Variants in DPPA5 observed in about 807,000 individuals in gnomAD.
The protein encoded by DPPA5 is developmental pluripotency-associated 5 protein.
In DPPA5, 11 loss-of-function variants were observed where a neutral mutation model predicts 11.3. The observed-to-expected ratio is 0.97, with a 90% confidence interval of 0.61 to 1.61. DPPA5 has a LOEUF of 1.61. Among genes scored for constraint, DPPA5 ranks in the 40% most tolerant of loss-of-function variants. The probability of loss-of-function intolerance (pLI) is 0.00; values close to 1 mark genes in which losing one functional copy is unlikely to be tolerated. For synonymous variants in DPPA5, 53 were observed against 59.2 expected, an observed-to-expected ratio of 0.90 and a Z score of 0.48; for missense variants, 132 against 151.8, an observed-to-expected ratio of 0.87 and a Z score of 0.68.
Position 73,353,996 on chromosome 6 carries a change from A to T in DPPA5, c.149T>A (p.Val50Glu), listed in dbSNP as rs1768732698. 5 of 1,614,128 alleles carry T rather than the reference A, an allele frequency of 3.1e-6. No homozygotes were observed. The highest frequency in any genetic ancestry group is 8.5e-7 in the Non-Finnish European group (1 of 1,180,008). Residue 50 changes from valine (V) to glutamate (E), a missense_variant, in exon 2 of 3, where the codon GTG (valine) becomes GAG (glutamate). Coordinates refer to ENST00000370370, the MANE Select transcript of DPPA5 (RefSeq NM_001025290.3). ...CTTCAGCTCGAGCATGGCCTTGCTC[A>T]CCTGCTCGATGTAAGGGATTCGAGA... Reference protein sequence around the residue: ...DGSRIPYIEQVSKAMLELKAL... With the variant: ...DGSRIPYIEQESKAMLELKAL...
At position 73,354,176 on chromosome 6, in the gene DPPA5, G is replaced by A. The variant is rs1768736959; in HGVS notation, c.50C>T (p.Pro17Leu). Residue 17 changes from proline to leucine, a missense_variant, in exon 1 of 3, where the codon CCC (proline) becomes CTC (leucine). By Grantham distance (98) the Pro-to-Leu change is moderately conservative. Coordinates refer to ENST00000370370, the MANE Select transcript of DPPA5 (RefSeq NM_001025290.3). Reference protein sequence around the residue: ...RRHIPPWVKVPEDLKDPEVFQ... With the variant: ...RRHIPPWVKVLEDLKDPEVFQ... The stretch of plus-strand genomic sequence containing the variant: ...CACCTCTGGATCTTTCAGGTCTTCG[G>A]GAACTTTCACCCACGGCGGGATATG... 1.2e-6 allele frequency: 2 copies of A among 1,614,096 alleles called. No homozygotes were observed. The highest frequency in any genetic ancestry group is 2.7e-5 in the African/African-American group (2 of 74,934).
rs1768731126 is a variant in DPPA5 at position 73,353,945 on chromosome 6, T to G, written c.200A>C (p.Glu67Ala). Residue 67 changes from glutamate to alanine, a missense_variant, in exon 2 of 3, where the codon GAG (glutamate) becomes GCG (alanine). Coordinates refer to ENST00000370370, the MANE Select transcript of DPPA5 (RefSeq NM_001025290.3). ...LKALESSDLTEVVVYGSYLYK... is the reference protein window; with the variant it reads ...LKALESSDLTAVVVYGSYLYK... ...CAAATAGGAGCCGTAAACCACGACC[T>G]CGGTGAGGTCTGAAGACTCCAGAGC... is the stretch of plus-strand genomic sequence containing the variant. 6.2e-7 allele frequency: 1 copy of G among 1,613,946 alleles called. No individual in the cohort carries two copies. Among genetic ancestry groups the G allele is most frequent in the Admixed American group, 1.7e-5 (1 of 60,004 alleles).
In DPPA5 at chr6:73,354,210, C is replaced by G. The variant is rs552630054; in HGVS notation, c.16G>C (p.Ala6Pro). MGTLPARRHIPPWVKV... is the reference protein window; with the variant it reads MGTLPPRRHIPPWVKV... ...ACCCACGGCGGGATATGTCTACGTG[C>G]CGGGAGAGTTCCCATCTTATGACCC... The change falls in exon 1 of 3, where the codon GCA becomes CCA. Residue 6 changes from alanine (A) to proline (P), a missense_variant. Physicochemically the swap from Ala to Pro is conservative, Grantham distance 27 (BLOSUM62 -1). Transcript: ENST00000370370. 6.2e-7 allele frequency: 1 copy of G among 1,614,192 alleles called. No homozygotes were observed. Among genetic ancestry groups the G allele is most frequent in the South Asian group, 1.1e-5 (1 of 91,088 alleles).
intron 2 of DPPA5, 26 bp from the exon 3 acceptor site, chr6:73,353,404 G>GT: frequency 6.2e-7 from 1 of 1,614,030 alleles, no homozygotes; most frequent in Non-Finnish European, 8.5e-7. Context: ...CAACAGCGGC[G>GT]TGAGTCTGGG....
At chr6:73,353,435 A>C in intron 2 of DPPA5, 57 bp from the exon 3 acceptor site, 1 of 1,606,498 alleles carries the variant, frequency 6.2e-7, no homozygotes, top group Non-Finnish European at 8.5e-7. Context: ...AAGCGCCCGG[A>C]CTGTTCTCCG....
chr6:73,354,189 A>G lies in DPPA5; in HGVS notation c.37T>C (p.Trp13Arg), dbSNP rs769275469. 3.7e-6 allele frequency: 6 copies of G among 1,614,192 alleles called. No individual in the cohort carries two copies. The highest frequency in any genetic ancestry group is 3.3e-5 in the Admixed American group (2 of 60,030). ...TTCAGGTCTTCGGGAACTTTCACCC[A>G]CGGCGGGATATGTCTACGTGCCGGG... ...TLPARRHIPP[W>R]VKVPEDLKDP... The change falls in exon 1 of 3, where the codon TGG becomes CGG. Residue 13 changes from tryptophan (W) to arginine (R), a missense_variant. Physicochemically the swap from Trp to Arg is moderately radical, Grantham distance 101 (BLOSUM62 -3). Transcript: ENST00000370370.
chr6:73,353,941 G>T lies in DPPA5; in HGVS notation c.204C>A (p.Val68=), dbSNP rs565020971. Residue 68 remains valine (V), a synonymous_variant, in exon 2 of 3, where the codon GTC becomes GTA. Transcript: ENST00000370370. ...KALESSDLTE[V]VVYGSYLYKL... is the part of the protein sequence containing the mutation. ...TGTACAAATAGGAGCCGTAAACCACGACCTCGGTGAGGTCTGAAGACTCCA... is the reference window on the plus strand; with the variant it reads ...TGTACAAATAGGAGCCGTAAACCACTACCTCGGTGAGGTCTGAAGACTCCA... 1 of 1,614,152 alleles carries T rather than the reference G, an allele frequency of 6.2e-7. No individual in the cohort carries two copies. The highest frequency in any genetic ancestry group is 1.1e-5 in the South Asian group (1 of 91,078).
In DPPA5 at chr6:73,354,112, AC is replaced by A. The variant is rs1230128970; in HGVS notation, c.112+1del. 7.4e-6 allele frequency: 12 copies of A among 1,614,006 alleles called. No homozygotes were observed. The highest frequency in any genetic ancestry group is 1.0e-5 in the Non-Finnish European group (12 of 1,179,960). On this transcript the variant is annotated splice_donor_variant, in intron 1 of 2. Coordinates refer to ENST00000370370, the MANE Select transcript of DPPA5 (RefSeq NM_001025290.3). LOFTEE classifies it high-confidence loss of function. Reference sequence around the variant, plus strand: ...CAGCCCGCCAGTACTGGGCACACTCACCGAAAATGGCTTTCAGCAGCCGCGT... The same window carrying A: ...CAGCCCGCCAGTACTGGGCACACTCACGAAAATGGCTTTCAGCAGCCGCGT...
Position 73,353,835 on chromosome 6 carries a change from A to G in DPPA5, c.292+18T>C, listed in dbSNP as rs752708154. The G allele has an allele frequency of 7.4e-6, 12 of 1,611,740 alleles. No homozygotes were observed. The highest frequency in any genetic ancestry group is 6.7e-5 in the East Asian group (3 of 44,866). On this transcript the variant is annotated intron_variant, in intron 2 of 2. Coordinates refer to ENST00000370370, the MANE Select transcript of DPPA5 (RefSeq NM_001025290.3). Reference sequence around the variant, plus strand: ...CCGCGAGCCTGTGTTCCGCGTACCCAGTCTCTGGGCCTCTCACCTCGCTCC... The same window carrying G: ...CCGCGAGCCTGTGTTCCGCGTACCCGGTCTCTGGGCCTCTCACCTCGCTCC...
rs756401898 is a variant in DPPA5 at position 73,353,349 on chromosome 6, C to T, written c.322G>A (p.Ala108Thr). 2 of 1,614,104 alleles carry T rather than the reference C, an allele frequency of 1.2e-6. No homozygotes were observed. Among genetic ancestry groups the T allele is most frequent in the Non-Finnish European group, 1.7e-6 (2 of 1,180,014 alleles). Residue 108 changes from alanine (A) to threonine (T), a missense_variant, in exon 3 of 3, where the codon GCC becomes ACC. By Grantham distance (58) the Ala-to-Thr change is moderately conservative. Coordinates refer to ENST00000370370, the MANE Select transcript of DPPA5 (RefSeq NM_001025290.3). ...TTCATCCAAGGGCCTAGTTCGAGGGCATTCATGGCTTCGGCAAGTTTGAGC... is the reference window on the plus strand; with the variant it reads ...TTCATCCAAGGGCCTAGTTCGAGGGTATTCATGGCTTCGGCAAGTTTGAGC... ...GMLKLAEAMN[A>T]LELGPWMK
Position 73,353,939 on chromosome 6 carries a change from A to G in DPPA5, c.206T>C (p.Val69Ala). 6.2e-7 allele frequency: 1 copy of G among 1,614,142 alleles called. No individual in the cohort carries two copies. Among genetic ancestry groups the G allele is most frequent in the Non-Finnish European group, 8.5e-7 (1 of 1,180,018 alleles). Residue 69 changes from valine to alanine, a missense_variant, in exon 2 of 3, where the codon GTG becomes GCG. Val to Ala is a moderately conservative substitution (Grantham distance 64, BLOSUM62 0). Transcript: ENST00000370370. ...CTTGTACAAATAGGAGCCGTAAACC[A>G]CGACCTCGGTGAGGTCTGAAGACTC... ...ALESSDLTEV[V>A]VYGSYLYKLR...
chr6:73,353,348 G>A lies in DPPA5; in HGVS notation c.323C>T (p.Ala108Val), dbSNP rs1010248664. ...CTTCATCCAAGGGCCTAGTTCGAGGGCATTCATGGCTTCGGCAAGTTTGAG... is the reference window on the plus strand; with the variant it reads ...CTTCATCCAAGGGCCTAGTTCGAGGACATTCATGGCTTCGGCAAGTTTGAG... ...GMLKLAEAMNALELGPWMK is the reference protein window; with the variant it reads ...GMLKLAEAMNVLELGPWMK The change falls in exon 3 of 3, where the codon GCC becomes GTC. Residue 108 changes from alanine (A) to valine (V), a missense_variant. Physicochemically the swap from Ala to Val is moderately conservative, Grantham distance 64. Transcript: ENST00000370370. The A allele has an allele frequency of 1.9e-6, 3 of 1,614,030 alleles. No individual in the cohort carries two copies. The highest frequency in any genetic ancestry group is 1.3e-5 in the African/African-American group (1 of 74,916).
At chr6:73,353,447 C>T (rs2150772855) in intron 2 of DPPA5, 69 bp from the exon 3 acceptor site, 3 of 1,597,250 alleles carry the variant, frequency 1.9e-6, no homozygotes, top group East Asian at 4.5e-5. Context: ...TGTTCTCCGC[C>T]TCTTTCAGGG....
chr6:73,353,499 A>T (rs1582614382), intron 2 of DPPA5, 121 bp from the exon 3 acceptor site: 13 of 1,133,022 alleles, frequency 1.1e-5, no homozygotes, highest in African/African-American at 1.6e-5. Flanking sequence ...TGGGCCTGAG[A>T]GTCAGGCCCA....
chr6:73,353,804 C>A (rs763236662), intron 2 of DPPA5, 49 bp downstream of exon 2: 3 of 1,587,326 alleles, frequency 1.9e-6, no homozygotes, highest in Non-Finnish European at 2.6e-6. Context: ...AGGCGCGAAG[C>A]GGCCCCCGCG....
Position 73,353,983 on chromosome 6 carries a change from C to T in DPPA5, c.162G>A (p.Met54Ile). ...AAGACTCCAGAGCCTTCAGCTCGAG[C>T]ATGGCCTTGCTCACCTGCTCGATGT... is the stretch of plus-strand genomic sequence containing the variant. ...IPYIEQVSKA[M>I]LELKALESSD... Residue 54 changes from methionine (M) to isoleucine (I), a missense_variant, in exon 2 of 3, where the codon ATG (methionine) becomes ATA (isoleucine). By Grantham distance (10) the Met-to-Ile change is conservative. Transcript: ENST00000370370. The T allele has an allele frequency of 6.2e-7, 1 of 1,614,196 alleles. No individual in the cohort carries two copies. The highest frequency in any genetic ancestry group is 8.5e-7 in the Non-Finnish European group (1 of 1,180,030).
intron 1 of DPPA5, 32 bp from the exon 2 acceptor site, chr6:73,354,064 CG>C (rs768515295): frequency 6.2e-7 from 1 of 1,613,794 alleles, no homozygotes; most frequent in Admixed American, 1.7e-5. Flanking sequence ...ATCCCCGGGC[CG>C]GCTGAGACTC....
In DPPA5 at chr6:73,353,895, G is replaced by A. The variant is rs747598051; in HGVS notation, c.250C>T (p.Leu84Phe). The A allele has an allele frequency of 1.2e-6, 2 of 1,614,028 alleles. No individual in the cohort carries two copies. The highest frequency in any genetic ancestry group is 2.2e-5 in the South Asian group (2 of 91,084). The change falls in exon 2 of 3, where the codon CTC becomes TTC. Residue 84 changes from leucine to phenylalanine, a missense_variant. Coordinates refer to ENST00000370370, the MANE Select transcript of DPPA5 (RefSeq NM_001025290.3). Reference sequence around the variant, plus strand: ...CGGTGCCACTCAGCCATGGACTGGAGCATCCACTTGGTCCGGAGCTTGTAC... The same window carrying A: ...CGGTGCCACTCAGCCATGGACTGGAACATCCACTTGGTCCGGAGCTTGTAC... ...YLYKLRTKWM[L>F]QSMAEWHRQR...
At position 73,353,834 on chromosome 6, in the gene DPPA5, C is replaced by A. The variant is rs1384423714; in HGVS notation, c.292+19G>T. On this transcript the variant is annotated intron_variant, in intron 2 of 2. Transcript: ENST00000370370. ...CCCGCGAGCCTGTGTTCCGCGTACC[C>A]AGTCTCTGGGCCTCTCACCTCGCTC... The A allele has an allele frequency of 6.2e-7, 1 of 1,611,616 alleles. No homozygotes were observed. Among genetic ancestry groups the A allele is most frequent in the Non-Finnish European group, 8.5e-7 (1 of 1,179,364 alleles).
Sources: allele counts gnomAD v4.1 joint callset, GRCh38; gene constraint gnomAD v4.1.1; transcripts MANE v1.5; gene names NCBI Gene and HGNC (gene_info 2026-07-23, HGNC 2026-07-21).